ZNF385D: variants seen among roughly 807,000 people sequenced by gnomAD.
ZNF385D encodes the protein zinc finger protein 659.
ZNF385D carries 15 observed loss-of-function variants against 35.8 expected under a neutral mutation model. That is an observed-to-expected ratio of 0.42 (90% CI 0.28 to 0.64). The LOEUF (loss-of-function observed/expected upper bound fraction) is 0.64, where lower values mean the gene tolerates loss of function less well. ZNF385D is among the 30% of genes least tolerant of loss of function. ZNF385D has a pLI of 0.23. For synonymous variants in ZNF385D, 212 were observed against 186.8 expected (o/e 1.13, Z -1.10); for missense variants, 474 against 494.6 (o/e 0.96, Z 0.39).
chr3:22,372,649 G>T (rs1036920583), exon 2 of ZNF385D: 2 of 283,128 alleles, frequency 7.1e-6, no homozygotes, highest in East Asian at 1.8e-4. Context: ...AGCCGTGAGC[G>T]GCGGCCAAGG....
intron 4 of ZNF385D, among the ~76,000 whole-genome samples, chr3:21,505,218 G>T (rs111788164): frequency 0.012 from 1,854 of 152,104 alleles, 36 homozygotes; most frequent in African/African-American, 0.043. Context: ...AAGTATTGAT[G>T]CTTGAAAGCC....
At chr3:21,583,746 A>G (rs1393332200) in intron 2 of ZNF385D, among the ~76,000 whole-genome samples, 1 of 151,028 alleles carries the variant, frequency 6.6e-6, no homozygotes, top group Non-Finnish European at 1.5e-5. Context: ...ATTTTTATTC[A>G]TTCAATATAA....
At chr3:21,919,097 G>C (rs573929460) in intron 3 of ZNF385D, among the ~76,000 whole-genome samples, 3 of 152,158 alleles carry the variant, frequency 2.0e-5, no homozygotes, top group African/African-American at 7.2e-5. Context: ...GTTGTCTCTT[G>C]TATCTTTCTC....
At chr3:22,151,125 G>C (rs886725157) in intron 3 of ZNF385D, among the ~76,000 whole-genome samples, 1 of 152,144 alleles carries the variant, frequency 6.6e-6, no homozygotes, top group Non-Finnish European at 1.5e-5. Flanking sequence ...ATGCCATGGA[G>C]AATACTGGAA....
intron 1 of ZNF385D, among the ~76,000 whole-genome samples, chr3:21,705,310 T>A (rs189084151): frequency 1.2e-3 from 185 of 152,300 alleles, no homozygotes; most frequent in African/African-American, 4.2e-3. Flanking sequence ...CCTGGACTAA[T>A]AAGCTCTTTT....
chr3:22,347,031 T>C (rs770466857), intron 2 of ZNF385D, among the ~76,000 whole-genome samples: 1 of 152,084 alleles, frequency 6.6e-6, no homozygotes. Flanking sequence ...CCACATAATG[T>C]ACAAACAAAG....
chr3:22,278,531 A>G (rs1010479182), intron 2 of ZNF385D, among the ~76,000 whole-genome samples: 6 of 152,160 alleles, frequency 3.9e-5, no homozygotes, highest in African/African-American at 1.2e-4. Flanking sequence ...ATTGAACAAT[A>G]TACTTTAGTT....
intron 1 of ZNF385D, among the ~76,000 whole-genome samples, chr3:21,694,559 A>C (rs1272132683): frequency 6.6e-6 from 1 of 152,208 alleles, no homozygotes; most frequent in Non-Finnish European, 1.5e-5. Context: ...ATCTTGCAGC[A>C]TCCCTTGCTC....
At chr3:22,327,621 C>G (rs1193321279) in intron 2 of ZNF385D, among the ~76,000 whole-genome samples, 2 of 152,158 alleles carry the variant, frequency 1.3e-5, no homozygotes, top group Non-Finnish European at 2.9e-5. Context: ...GAACCTCTTC[C>G]CTAAACTGTA....
At chr3:21,889,200 C>T (rs1292794649) in intron 3 of ZNF385D, among the ~76,000 whole-genome samples, 1 of 152,130 alleles carries the variant, frequency 6.6e-6, no homozygotes, top group Non-Finnish European at 1.5e-5. Flanking sequence ...CAGCTTTAGT[C>T]CCACTGATCA....
intron 2 of ZNF385D, among the ~76,000 whole-genome samples, chr3:21,641,595 TA>T: frequency 6.6e-6 from 1 of 150,634 alleles, no homozygotes; most frequent in Non-Finnish European, 1.5e-5. Context: ...CTGGACAATG[TA>T]AAATTTTTAT....
chr3:22,062,262 C>T (rs1699728143), intron 3 of ZNF385D, among the ~76,000 whole-genome samples: 1 of 152,006 alleles, frequency 6.6e-6, no homozygotes, highest in Non-Finnish European at 1.5e-5. Flanking sequence ...TGCCATGTTA[C>T]CCAGGCGGAC....
At chr3:21,672,431 C>T (rs546469220) in intron 1 of ZNF385D, among the ~76,000 whole-genome samples, 1 of 151,978 alleles carries the variant, frequency 6.6e-6, no homozygotes, top group East Asian at 1.9e-4. Context: ...CCCATAAGGG[C>T]AAGTTGTCAG....
At chr3:22,184,353 T>C (rs1488576629) in intron 2 of ZNF385D, among the ~76,000 whole-genome samples, 3 of 150,722 alleles carry the variant, frequency 2.0e-5, no homozygotes, top group African/African-American at 7.4e-5. Flanking sequence ...AATTTTTGTT[T>C]GCTTTGACTT....
At chr3:21,832,134 CTTT>C (rs1312606012) in intron 3 of ZNF385D, among the ~76,000 whole-genome samples, 1 of 151,972 alleles carries the variant, frequency 6.6e-6, no homozygotes, top group Admixed American at 6.6e-5. Context: ...TTTTTTAAAT[CTTT>C]TTATTTGTAA....
At chr3:22,241,873 A>T (rs1381396718) in intron 2 of ZNF385D, among the ~76,000 whole-genome samples, 1 of 151,008 alleles carries the variant, frequency 6.6e-6, no homozygotes, top group Non-Finnish European at 1.5e-5. Flanking sequence ...TATTCTGAAT[A>T]TAGTACTTAT....
intron 3 of ZNF385D, among the ~76,000 whole-genome samples, chr3:21,848,115 A>G (rs1158945456): frequency 6.6e-6 from 1 of 151,986 alleles, no homozygotes; most frequent in East Asian, 1.9e-4. Flanking sequence ...AGCCCAATTG[A>G]CTTATTTCTC....
At chr3:21,894,512 T>C (rs1575855696) in intron 3 of ZNF385D, among the ~76,000 whole-genome samples, 1 of 138,852 alleles carries the variant, frequency 7.2e-6, no homozygotes, top group African/African-American at 2.5e-5. Flanking sequence ...AACACACTTT[T>C]ATTTATTTTC....
intron 2 of ZNF385D, among the ~76,000 whole-genome samples, chr3:22,173,343 C>G (rs1027424042): frequency 6.6e-6 from 1 of 151,942 alleles, no homozygotes; most frequent in African/African-American, 2.4e-5. Context: ...ATTATTAGTT[C>G]GTTAGTTGTA....
Sources: gnomAD v4.1 joint callset for allele counts (sites outside exome capture counted in the v4.1 genomes callset) on GRCh38, gnomAD v4.1.1 for gene constraint, MANE v1.5 for transcripts, NCBI Gene and HGNC (gene_info 2026-07-23, HGNC 2026-07-21) for gene names.